Variants in GALNTL6 observed in about 807,000 individuals in gnomAD.
GALNTL6 encodes the protein polypeptide N-acetylgalactosaminyltransferase-like 6.
A neutral mutation model predicts 73.7 loss-of-function variants in GALNTL6; 46 were observed. The observed-to-expected ratio is 0.62, with a 90% CI of 0.49 to 0.80. The LOEUF is 0.80. Among genes scored for constraint, GALNTL6 ranks in the 30% least tolerant of loss-of-function variants. The pLI, the probability that GALNTL6 is intolerant of heterozygous loss-of-function variation, is 0.00. For missense variants in GALNTL6, 604 were observed against 755.0 expected, an observed-to-expected ratio of 0.80 and a Z score of 2.34; for synonymous variants, 259 against 263.7, an observed-to-expected ratio of 0.98 and a Z score of 0.17.
chr4:172,924,613 G>T (rs1279967610), intron 8 of GALNTL6, among the ~76,000 whole-genome samples: 2 of 152,120 alleles, frequency 1.3e-5, no homozygotes, highest in East Asian at 1.9e-4. Context: ...AAGAGGAGAA[G>T]GTGGGAGAAT....
intron 2 of GALNTL6, among the ~76,000 whole-genome samples, chr4:171,962,247 A>G (rs1325091643): frequency 6.6e-6 from 1 of 152,190 alleles, no homozygotes; most frequent in African/African-American, 2.4e-5. Context: ...GCATTTGAAC[A>G]AGATCAACTC....
chr4:172,373,073 G>T (rs1459072481), intron 5 of GALNTL6, among the ~76,000 whole-genome samples: 2 of 152,214 alleles, frequency 1.3e-5, no homozygotes, highest in Admixed American at 1.3e-4. Flanking sequence ...GTAGCCAAGA[G>T]CAAATCATCC....
chr4:171,873,515 T>A (rs949303840), intron 2 of GALNTL6, among the ~76,000 whole-genome samples: 2 of 152,186 alleles, frequency 1.3e-5, no homozygotes, highest in African/African-American at 4.8e-5. Flanking sequence ...ATGCTCAGAA[T>A]CCTGCCTAGT....
intron 2 of GALNTL6, among the ~76,000 whole-genome samples, chr4:171,957,832 C>A (rs957796153): frequency 6.6e-6 from 1 of 152,024 alleles, no homozygotes; most frequent in Non-Finnish European, 1.5e-5. Context: ...TTCAGATGTC[C>A]TCGTGAGTAT....
intron 10 of GALNTL6, among the ~76,000 whole-genome samples, chr4:172,991,023 C>G (rs571613027): frequency 1.3e-5 from 2 of 152,180 alleles, no homozygotes; most frequent in East Asian, 1.9e-4. Context: ...CCAAAAAAGA[C>G]TTAATTTATA....
chr4:172,222,525 T>A (rs1736713881), intron 2 of GALNTL6, among the ~76,000 whole-genome samples: 1 of 151,406 alleles, frequency 6.6e-6, no homozygotes, highest in Non-Finnish European at 1.5e-5. Context: ...TGCTGAGGAT[T>A]AAGGCATTCA....
chr4:172,593,603 A>G (rs1360849708), intron 5 of GALNTL6, among the ~76,000 whole-genome samples: 1 of 152,104 alleles, frequency 6.6e-6, no homozygotes, highest in Non-Finnish European at 1.5e-5. Flanking sequence ...CTTAGTGGAT[A>G]TTAACCTATG....
intron 8 of GALNTL6, among the ~76,000 whole-genome samples, chr4:172,886,327 C>T (rs1426306861): frequency 6.6e-6 from 1 of 152,126 alleles, no homozygotes; most frequent in Non-Finnish European, 1.5e-5. Flanking sequence ...TTTTGGTGTA[C>T]AGTTGTTCAA....
intron 3 of GALNTL6, among the ~76,000 whole-genome samples, chr4:172,251,378 C>T (rs1410647567): frequency 6.6e-6 from 1 of 152,078 alleles, no homozygotes; most frequent in African/African-American, 2.4e-5. Context: ...CAAAAACATC[C>T]ATAATAATGT....
intron 2 of GALNTL6, among the ~76,000 whole-genome samples, chr4:171,955,809 T>C (rs1739027514): frequency 1.3e-5 from 2 of 152,138 alleles, no homozygotes; most frequent in African/African-American, 2.4e-5. Flanking sequence ...TACATATATA[T>C]AACATGTTAC....
At chr4:172,006,939 GTTAAT>G (rs1188284705) in intron 2 of GALNTL6, among the ~76,000 whole-genome samples, 1 of 152,106 alleles carries the variant, frequency 6.6e-6, no homozygotes, top group Non-Finnish European at 1.5e-5. Flanking sequence ...TAGATGAAAT[GTTAAT>G]TTAAATATCT....
At chr4:172,103,859 G>A (rs1732593436) in intron 2 of GALNTL6, among the ~76,000 whole-genome samples, 1 of 152,136 alleles carries the variant, frequency 6.6e-6, no homozygotes, top group Non-Finnish European at 1.5e-5. Flanking sequence ...ATCCCCTCTT[G>A]GGCCTCCATA....
intron 5 of GALNTL6, among the ~76,000 whole-genome samples, chr4:172,735,330 T>C (rs1172770903): frequency 6.6e-6 from 1 of 152,168 alleles, no homozygotes; most frequent in Admixed American, 6.5e-5. Flanking sequence ...TTTTGGAACT[T>C]TGAGGTTTAA....
intron 2 of GALNTL6, among the ~76,000 whole-genome samples, chr4:171,875,202 C>G (rs1249422986): frequency 6.6e-6 from 1 of 152,050 alleles, no homozygotes; most frequent in Non-Finnish European, 1.5e-5. Flanking sequence ...TTCTTGTCTT[C>G]TTGGAGGAAA....
At chr4:172,878,966 T>C (rs1745323385) in intron 7 of GALNTL6, among the ~76,000 whole-genome samples, 2 of 151,786 alleles carry the variant, frequency 1.3e-5, no homozygotes, top group South Asian at 4.1e-4. Context: ...GGAGTGACTA[T>C]AGTAATATCA....
intron 10 of GALNTL6, among the ~76,000 whole-genome samples, chr4:172,978,837 A>G (rs1750948134): frequency 6.6e-6 from 1 of 152,204 alleles, no homozygotes; most frequent in Non-Finnish European, 1.5e-5. Flanking sequence ...ACAGATTAGC[A>G]CACATCCTCA....
chr4:171,928,578 C>G (rs1010583773), intron 2 of GALNTL6, among the ~76,000 whole-genome samples: 1 of 152,220 alleles, frequency 6.6e-6, no homozygotes, highest in Non-Finnish European at 1.5e-5. Context: ...TTAACTTTCT[C>G]TTTCATATTT....
chr4:172,407,992 C>T lies in GALNTL6; in HGVS notation c.553+59303C>T, dbSNP rs143250475. ...AACATTTTTAAAAGGATTATTGAAA[C>T]GGTGGAAAATATATAGAAGGCCACT... On this transcript the variant is annotated intron_variant, in intron 5 of 12. Coordinates refer to ENST00000506823, the MANE Select transcript of GALNTL6 (RefSeq NM_001034845.3). Among the ~76,000 whole-genome samples, 994 of 152,066 alleles carry T rather than the reference C, an allele frequency of 6.5e-3. 9 individuals are homozygous for T. The highest frequency in any genetic ancestry group is 0.022 in the African/African-American group (916 of 41,504).
chr4:172,536,319 T>C (rs1343173695), intron 5 of GALNTL6, among the ~76,000 whole-genome samples: 1 of 152,186 alleles, frequency 6.6e-6, no homozygotes, highest in Non-Finnish European at 1.5e-5. Flanking sequence ...CAAGCAACTT[T>C]GGAATTAGGT....
Sources: allele counts gnomAD v4.1 joint callset (sites outside exome capture counted in the v4.1 genomes callset), GRCh38; gene constraint gnomAD v4.1.1; transcripts MANE v1.5; gene names NCBI Gene and HGNC (gene_info 2026-07-23, HGNC 2026-07-21).